The following ABCA13 variants were observed in gnomAD, a reference collection of about 807,000 sequenced individuals.
The protein encoded by ABCA13 is ATP-binding cassette sub-family A member 13.
ABCA13 carries 476 observed loss-of-function variants against 478.7 expected under a neutral mutation model. The observed-to-expected ratio is 0.99, with a 90% CI of 0.92 to 1.07. ABCA13 has a LOEUF of 1.07. Ranked by LOEUF, ABCA13 falls within the 50% of genes least tolerant of loss-of-function variation. The probability of loss-of-function intolerance (pLI) is 0.00; values close to 1 mark genes in which losing one functional copy is unlikely to be tolerated. For synonymous variants in ABCA13, 2,252 were observed against 2,158.9 expected (o/e 1.04, Z -1.20); for missense variants, 6,060 against 5,910.6 (o/e 1.03, Z -0.83).
intron 59 of ABCA13, among the ~76,000 whole-genome samples, chr7:48,619,664 A>G (rs1792940063): frequency 6.6e-6 from 1 of 152,156 alleles, no homozygotes; most frequent in Non-Finnish European, 1.5e-5. Flanking sequence ...TATCAACTAG[A>G]GTGTTCCGTG....
rs755548241 is a variant in ABCA13 at position 48,374,330 on chromosome 7, C to T, written c.11134-17C>T. On this transcript the variant is annotated splice_polypyrimidine_tract_variant and intron_variant, in intron 33 of 61. Coordinates refer to ENST00000435803, the MANE Select transcript of ABCA13 (RefSeq NM_152701.5). ...AAAACACTAACGTGCAGTTTTTCTC[C>T]ATCAATCTGTGGGCAGTGCCTTCTT... 3 of 1,601,688 alleles carry T rather than the reference C, an allele frequency of 1.9e-6. No homozygotes were observed. The highest frequency in any genetic ancestry group is 2.6e-6 in the Non-Finnish European group (3 of 1,174,856).
At position 48,298,458 on chromosome 7, in the gene ABCA13, A is replaced by C. The variant is rs186758618; in HGVS notation, c.9292A>C (p.Ile3098Leu). ...AATCTCGAATGAGACTATCCATAGCATTCTAGAAGCAAATATTTCCCACTC... is the reference window on the plus strand; with the variant it reads ...AATCTCGAATGAGACTATCCATAGCCTTCTAGAAGCAAATATTTCCCACTC... ...IQISNETIHS[I>L]LEANISHSKV... Residue 3098 changes from isoleucine to leucine, a missense_variant, in exon 23 of 62, where the codon ATT (isoleucine) becomes CTT (leucine). Around this residue, in one of 3 missense-constraint regions of ABCA13, gnomAD observed 4,423 missense variants for 4,309.1 expected, o/e 1.03. Transcript: ENST00000435803. The C allele has an allele frequency of 1.9e-6, 3 of 1,613,330 alleles. No individual in the cohort carries two copies. In the Admixed American group the frequency reaches 5.0e-5, roughly 27 times the overall value.
intron 41 of ABCA13, among the ~76,000 whole-genome samples, chr7:48,421,384 A>G (rs759132802): frequency 5.9e-5 from 9 of 152,238 alleles, no homozygotes; most frequent in Non-Finnish European, 1.2e-4. Context: ...CCAGTAAGAA[A>G]GAACTCTCTC....
intron 58 of ABCA13, among the ~76,000 whole-genome samples, chr7:48,612,353 G>A (rs1197960470): frequency 6.6e-6 from 1 of 152,120 alleles, no homozygotes; most frequent in Non-Finnish European, 1.5e-5. Flanking sequence ...CTTTATGACT[G>A]TTCTCCAATA....
Position 48,236,746 on chromosome 7 carries a change from G to T in ABCA13, c.898-2495G>T, listed in dbSNP as rs868259740. ...ATAAGTAGCCTTAATTTCATCTGCAGCCTTAAATCTCACTTGCCATACAAC... is the reference window on the plus strand; with the variant it reads ...ATAAGTAGCCTTAATTTCATCTGCATCCTTAAATCTCACTTGCCATACAAC... On this transcript the variant is annotated intron_variant, in intron 8 of 61. Coordinates refer to ENST00000435803, the MANE Select transcript of ABCA13 (RefSeq NM_152701.5). Among the ~76,000 whole-genome samples the T allele has an allele frequency of 2.6e-5, 4 of 152,304 alleles. 2 individuals carry two copies. Among genetic ancestry groups the T allele is most frequent in the South Asian group, 4.1e-4 (2 of 4,830 alleles).
At chr7:48,558,778 C>G (rs1428862227) in intron 55 of ABCA13, among the ~76,000 whole-genome samples, 1 of 152,152 alleles carries the variant, frequency 6.6e-6, no homozygotes, top group Non-Finnish European at 1.5e-5. Context: ...CTCTGTTTCT[C>G]CAGGATTGAT....
At chr7:48,596,807 A>C (rs1212903866) in intron 58 of ABCA13, among the ~76,000 whole-genome samples, 3 of 151,514 alleles carry the variant, frequency 2.0e-5, no homozygotes, top group Admixed American at 6.6e-5. Flanking sequence ...CAAAAACAAC[A>C]ACCACAACAA....
intron 3 of ABCA13, among the ~76,000 whole-genome samples, chr7:48,217,857 C>G (rs1212819086): frequency 6.6e-6 from 1 of 152,084 alleles, no homozygotes; most frequent in Non-Finnish European, 1.5e-5. Context: ...TATCCCCTTC[C>G]CTTTGCAAGT....
chr7:48,311,016 C>T (rs1333960704), intron 24 of ABCA13, among the ~76,000 whole-genome samples: 3 of 152,082 alleles, frequency 2.0e-5, no homozygotes, highest in Admixed American at 6.5e-5. Context: ...AGCTTCCCCT[C>T]TTACCCTTAG....
chr7:48,409,895 C>G (rs1428356512), intron 39 of ABCA13, among the ~76,000 whole-genome samples: 2 of 132,002 alleles, frequency 1.5e-5, no homozygotes, highest in Non-Finnish European at 1.6e-5. Flanking sequence ...GCCTGGCCAA[C>G]ATGATGAAAT....
chr7:48,418,671 G>C (rs978698050), intron 41 of ABCA13, among the ~76,000 whole-genome samples: 3 of 152,068 alleles, frequency 2.0e-5, no homozygotes, highest in Non-Finnish European at 4.4e-5. Context: ...ACTGAGTGCA[G>C]GTTACATATT....
intron 5 of ABCA13, 82 bp downstream of exon 5, chr7:48,221,391 T>C: frequency 1.4e-6 from 1 of 703,900 alleles, no homozygotes; most frequent in Admixed American, 3.9e-5. Flanking sequence ...AAGTTTACAT[T>C]TTCAAAGATT....
At chr7:48,594,989 G>C (rs186254129) in intron 58 of ABCA13, among the ~76,000 whole-genome samples, 176 bp downstream of exon 58, 4 of 152,324 alleles carry the variant, frequency 2.6e-5, no homozygotes, top group East Asian at 3.9e-4. Flanking sequence ...AGCCATGAGG[G>C]ATTACGTTAT....
intron 55 of ABCA13, among the ~76,000 whole-genome samples, chr7:48,579,592 C>T (rs979166487): frequency 6.6e-6 from 1 of 151,892 alleles, no homozygotes; most frequent in African/African-American, 2.4e-5. Context: ...TATAGTCTTC[C>T]CACCTGATTC....
chr7:48,326,894 G>A (rs1804411325), intron 27 of ABCA13, among the ~76,000 whole-genome samples: 1 of 152,132 alleles, frequency 6.6e-6, no homozygotes, highest in Non-Finnish European at 1.5e-5. Context: ...GGGTTATGAT[G>A]GGCAGAGATC....
At chr7:48,550,076 A>G (rs917292295) in intron 55 of ABCA13, among the ~76,000 whole-genome samples, 6 of 151,754 alleles carry the variant, frequency 4.0e-5, no homozygotes, top group African/African-American at 1.2e-4. Context: ...ATTAAACCGC[A>G]TTTGTCAATT....
At position 48,287,950 on chromosome 7, in the gene ABCA13, C is replaced by T. The variant is rs1033655794; in HGVS notation, c.8837-10C>T. On this transcript the variant is annotated splice_polypyrimidine_tract_variant and intron_variant, in intron 19 of 61. Transcript: ENST00000435803. ...CTATTAATTATTTCTCTGTGTGTTT[C>T]CTCTGGCAGAAAACCCTTCCTGGAC... 1.9e-6 allele frequency: 3 copies of T among 1,607,418 alleles called. No homozygotes were observed. The highest frequency in any genetic ancestry group is 2.6e-6 in the Non-Finnish European group (3 of 1,174,128).
rs141292683 is a variant in ABCA13 at position 48,519,709 on chromosome 7, G to T, written c.13798-332G>T. 4.6e-3 allele frequency among the ~76,000 whole-genome samples: 705 copies of T among 152,258 alleles called. 5 individuals carry two copies. The highest frequency in any genetic ancestry group is 0.016 in the African/African-American group (660 of 41,554). On this transcript the variant is annotated intron_variant, in intron 52 of 61. Transcript: ENST00000435803. ...TTGTGCACCTGCATCCCCCTTCTAT[G>T]TATGGATTATTTGTTAACTCAGTGT... is the stretch of plus-strand genomic sequence containing the variant.
At chr7:48,488,736 T>C (rs1007943741) in intron 47 of ABCA13, among the ~76,000 whole-genome samples, 29 of 152,234 alleles carry the variant, frequency 1.9e-4, no homozygotes, top group African/African-American at 6.8e-4. Flanking sequence ...TAACATTGTC[T>C]TTCTCTTATT....
Sources: gnomAD v4.1 joint callset for allele counts (sites outside exome capture counted in the v4.1 genomes callset) on GRCh38, gnomAD v4.1.1 for gene constraint, gnomAD v4.1.1 regional missense constraint, MANE v1.5 for transcripts, NCBI Gene and HGNC (gene_info 2026-07-23, HGNC 2026-07-21) for gene names.